OPRL1: variants seen among roughly 807,000 people sequenced by gnomAD.
OPRL1 encodes the protein opioid related nociceptin receptor 1.
OPRL1 carries 5 observed loss-of-function variants against 15.5 expected under a neutral mutation model. The observed-to-expected ratio is 0.32, with a 90% confidence interval of 0.17 to 0.68. OPRL1 has a LOEUF of 0.68. OPRL1 is among the 30% of genes least tolerant of loss of function. The pLI, the probability that OPRL1 is intolerant of heterozygous loss-of-function variation, is 0.72. For missense variants in OPRL1, 406 were observed against 515.3 expected (o/e 0.79, Z 2.05); for synonymous variants, 223 against 230.2 (o/e 0.97, Z 0.28).
intron 2 of OPRL1, 79 bp from the exon 3 acceptor site, chr20:64,092,609 G>C: frequency 4.5e-6 from 5 of 1,111,166 alleles, no homozygotes; most frequent in Non-Finnish European, 6.5e-6. Context: ...TGCCTGCTGG[G>C]CTGCACGTGC....
At chr20:64,084,758 C>G (rs1045692652) in intron 1 of OPRL1, among the ~76,000 whole-genome samples, 5 of 152,336 alleles carry the variant, frequency 3.3e-5, no homozygotes, top group South Asian at 4.1e-4. Context: ...CTCCTCCCTT[C>G]CCGGCCCCAG....
rs754400783 is a variant in OPRL1, at chr20:64,092,743, C to T, written c.23C>T (p.Pro8Leu). 1.3e-5 allele frequency: 21 copies of T among 1,612,452 alleles called. No individual in the cohort carries two copies. Among genetic ancestry groups the T allele is most frequent in the South Asian group, 7.7e-5 (7 of 91,070 alleles). The change falls in exon 3 of 5, where the codon CCG becomes CTG. Residue 8 changes from proline to leucine, a missense_variant. Physicochemically the swap from Pro to Leu is moderately conservative, Grantham distance 98 (BLOSUM62 -3). Transcript: ENST00000336866. MEPLFPA[P>L]FWEVIYGSHL... ...GGCATGGAGCCCCTCTTCCCCGCGCCGTTCTGGGAGGTTATCTACGGCAGC... is the reference window on the plus strand; with the variant it reads ...GGCATGGAGCCCCTCTTCCCCGCGCTGTTCTGGGAGGTTATCTACGGCAGC...
chr20:64,093,365 C>T (rs980367615), intron 3 of OPRL1, among the ~76,000 whole-genome samples: 2 of 147,828 alleles, frequency 1.4e-5, no homozygotes, highest in Non-Finnish European at 3.0e-5. Flanking sequence ...TGAAACCCCT[C>T]TCAGGCTCCA....
chr20:64,081,710 C>G (rs952584806), intron 1 of OPRL1, among the ~76,000 whole-genome samples: 2 of 152,180 alleles, frequency 1.3e-5, no homozygotes, highest in African/African-American at 4.8e-5. Flanking sequence ...CCTTCCTTCC[C>G]ATAGAGCTTT....
At chr20:64,085,014 C>G (rs2060028743) in intron 1 of OPRL1, 1 of 152,266 alleles carries the variant, frequency 6.6e-6, no homozygotes, top group African/African-American at 2.4e-5. Flanking sequence ...CTGCCCCTCC[C>G]TCGACCAGGT....
At chr20:64,084,273 G>C (rs2060016625) in intron 1 of OPRL1, 3 of 1,328,722 alleles carry the variant, frequency 2.3e-6, no homozygotes, top group Non-Finnish European at 2.9e-6. Flanking sequence ...GGCTGGCACC[G>C]GGCCCTGCCC....
chr20:64,083,462 G>C lies in OPRL1; in HGVS notation c.-185+3110G>C. ...ACCGCGGGAAGATGGTGCCATCCAC[G>C]TTCTCCTCCAGGATGGTCTCCACGC... On this transcript the variant is annotated intron_variant, in intron 1 of 4. Coordinates refer to ENST00000336866, the MANE Select transcript of OPRL1 (RefSeq NM_182647.4). The surrounding 1 kb of genome is among the most constrained non-coding windows in gnomAD (Gnocchi z 4.9). The C allele has an allele frequency of 1.2e-6, 2 of 1,608,506 alleles. No homozygotes were observed. Among genetic ancestry groups the C allele is most frequent in the Non-Finnish European group, 1.7e-6 (2 of 1,178,164 alleles).
chr20:64,099,265 GGGCTCCA>G lies in OPRL1; in HGVS notation c.*468_*474del. 5.9e-6 allele frequency: 1 copy of G among 170,444 alleles called. No homozygotes were observed. The allele number at this position is 170,444 out of a possible 1,614,324, so 10.6% of individuals were successfully genotyped here. ...TGTGCTGTGTGCTGTTTGCATGGCA[GGGCTCCA>G]GCTGCCTTCAGCCCTGTGACGTCTC... On this transcript the variant is annotated 3_prime_UTR_variant, in exon 5 of 5. Coordinates refer to ENST00000336866, the MANE Select transcript of OPRL1 (RefSeq NM_182647.4).
chr20:64,082,427 G>A (rs1308646991), intron 1 of OPRL1, among the ~76,000 whole-genome samples: 3 of 152,222 alleles, frequency 2.0e-5, no homozygotes, highest in Non-Finnish European at 4.4e-5. Context: ...AGGGGCGAGT[G>A]CGCAGGGCTC....
rs559786866 is a variant in OPRL1 at position 64,085,488 on chromosome 20, A to G, written c.-185+5136A>G. The stretch of plus-strand genomic sequence containing the variant: ...CCTAGATACTAGATTTTGGAAATCT[A>G]TTTGTGCATTCCTTTGTTTTGTAAC... On this transcript the variant is annotated intron_variant, in intron 1 of 4. Transcript: ENST00000336866. Among the ~76,000 whole-genome samples, 16 of 152,310 alleles carry G rather than the reference A, an allele frequency of 1.1e-4. No homozygotes were observed. The South Asian group carries it at 2.9e-3, about 28-fold the overall frequency.
rs1979587462 is a variant in OPRL1 at position 64,099,525 on chromosome 20, C to G, written c.*726C>G. On this transcript the variant is annotated 3_prime_UTR_variant, in exon 5 of 5. Coordinates refer to ENST00000336866, the MANE Select transcript of OPRL1 (RefSeq NM_182647.4). ...GGCCAGCCGCACCTCTGAAGGTTTT[C>G]TGTGTGCTGCACGGTGCAGGCCTCA... The G allele has an allele frequency of 6.6e-6, 1 of 152,632 alleles. No individual in the cohort carries two copies. The highest frequency in any genetic ancestry group is 6.5e-5 in the Admixed American group (1 of 15,300). The allele number at this position is 152,632 out of a possible 1,614,324, so 9.5% of individuals were successfully genotyped here. A position where few individuals can be genotyped will look rare whatever the true frequency, so the allele number is the denominator to read the frequency against.
rs2060086112 is a variant in OPRL1, at chr20:64,088,735, G to GAA, written c.-184-3231_-184-3230insAA. Among the ~76,000 whole-genome samples the GAA allele has an allele frequency of 4.9e-4, 5 of 10,110 alleles. 1 individual carries two copies. Among genetic ancestry groups the GAA allele is most frequent in the African/African-American group, 6.7e-4 (2 of 2,984 alleles). The allele number at this position is 10,110 out of a possible 152,430, so 6.6% of individuals were successfully genotyped here. A position where few individuals can be genotyped will look rare whatever the true frequency, so the allele number is the denominator to read the frequency against. On this transcript the variant is annotated intron_variant, in intron 1 of 4. Coordinates refer to ENST00000336866, the MANE Select transcript of OPRL1 (RefSeq NM_182647.4). The stretch of plus-strand genomic sequence containing the variant: ...GCAGAGTGGCCAGGATCTGTGCAAG[G>GAA]GGTAGGATCTGTGCAGAGTGGCCAG...
chr20:64,084,155 G>A (rs2060012857), intron 1 of OPRL1: 2 of 1,455,208 alleles, frequency 1.4e-6, no homozygotes, highest in African/African-American at 1.5e-5. Flanking sequence ...CGCCGTGCCT[G>A]GCGCGCTCTT....
Position 64,100,127 on chromosome 20 carries a change from A to T in OPRL1, c.*1328A>T, listed in dbSNP as rs1979661541. On this transcript the variant is annotated 3_prime_UTR_variant, in exon 5 of 5. Transcript: ENST00000336866. ...CGGGGGTTGGGGGGGGGGCGTCTGT[A>T]CCTCAGGGGATGCCCCGCTGTGGTC... The T allele has an allele frequency of 6.6e-6, 1 of 151,350 alleles. No individual in the cohort carries two copies. The highest frequency in any genetic ancestry group is 2.4e-5 in the African/African-American group (1 of 40,966). 9.4% of individuals were successfully genotyped at this position (151,350 alleles called of 1,614,324 possible). A position where few individuals can be genotyped will look rare whatever the true frequency, so the allele number is the denominator to read the frequency against.
intron 4 of OPRL1, 36 bp from the exon 5 acceptor site, chr20:64,098,214 TCTGGGCCCACGTGCCCTCCACGTCTC>T: frequency 6.2e-7 from 1 of 1,603,866 alleles, no homozygotes; most frequent in Non-Finnish European, 8.5e-7. Context: ...GGGTGGCTCC[TCTGGGCCCACGTGCCCTCCACGTCTC>T]CTGGGCCCAC....
At position 64,098,662 on chromosome 20, in the gene OPRL1, T is replaced by C; in HGVS notation, c.976T>C (p.Phe326Leu). ...CCTCTACGCCTTCCTGGATGAGAAC[T>C]TCAAGGCCTGCTTCCGCAAGTTCTG... ...PILYAFLDEN[F>L]KACFRKFCCA... The change falls in exon 5 of 5, where the codon TTC becomes CTC. Residue 326 changes from phenylalanine to leucine, a missense_variant. By Grantham distance (22) the Phe-to-Leu change is conservative. Transcript: ENST00000336866. 2 of 1,612,904 alleles carry C rather than the reference T, an allele frequency of 1.2e-6. No individual in the cohort carries two copies. Among genetic ancestry groups the C allele is most frequent in the Non-Finnish European group, 1.7e-6 (2 of 1,179,982 alleles).
intron 1 of OPRL1, chr20:64,084,261 G>C: frequency 7.4e-7 from 1 of 1,343,726 alleles, no homozygotes; most frequent in Non-Finnish European, 9.5e-7. Flanking sequence ...CGTCGGTGCC[G>C]GGGCTGGCAC....
At chr20:64,098,181 C>T in intron 4 of OPRL1, 24 bp downstream of exon 4, 1 of 1,607,826 alleles carries the variant, frequency 6.2e-7, no homozygotes, top group Non-Finnish European at 8.5e-7. Context: ...CCCCTCCTCC[C>T]CTCACCAGGC....
At chr20:64,080,412 AG>A (rs1210140231) in intron 1 of OPRL1, 60 bp downstream of exon 1, 2 of 149,524 alleles carry the variant, frequency 1.3e-5, no homozygotes, top group Non-Finnish European at 2.9e-5. Context: ...CTGGGTTAAG[AG>A]CCGCCTGTCT....
Sources: gnomAD v4.1 joint callset for allele counts (sites outside exome capture counted in the v4.1 genomes callset) on GRCh38, gnomAD v4.1.1 for gene constraint, Gnocchi (gnomAD v3.1) non-coding constraint, MANE v1.5 for transcripts, NCBI Gene and HGNC (gene_info 2026-07-23, HGNC 2026-07-21) for gene names.